PDSS2: variants seen among roughly 807,000 people sequenced by gnomAD.
The protein encoded by PDSS2 is all trans-polyprenyl-diphosphate synthase PDSS2.
PDSS2 carries 31 observed loss-of-function variants against 44.5 expected under a neutral mutation model. The observed-to-expected ratio is 0.70, with a 90% CI of 0.52 to 0.94. PDSS2 has a LOEUF of 0.94. PDSS2 is among the 40% of genes least tolerant of loss of function. The pLI is 0.00. For missense variants in PDSS2, 452 were observed against 482.2 expected (o/e 0.94, Z 0.59); for synonymous variants, 157 against 180.3 (o/e 0.87, Z 1.03).
At chr6:107,214,087 T>G (rs551209164) in intron 4 of PDSS2, among the ~76,000 whole-genome samples, 2 of 151,136 alleles carry the variant, frequency 1.3e-5, no homozygotes, top group Non-Finnish European at 2.9e-5. Context: ...AATATGAAAA[T>G]TATTAGTGAG....
intron 1 of PDSS2, among the ~76,000 whole-genome samples, chr6:107,384,695 A>G (rs1185526245): frequency 6.6e-6 from 1 of 151,988 alleles, no homozygotes; most frequent in Non-Finnish European, 1.5e-5. Flanking sequence ...CTGTATACTT[A>G]AAGAGGGTGA....
chr6:107,447,100 G>A (rs1781709034), intron 1 of PDSS2, among the ~76,000 whole-genome samples: 1 of 152,154 alleles, frequency 6.6e-6, no homozygotes, highest in Admixed American at 6.5e-5. Context: ...TTGGGAGGCT[G>A]AGACAGGCGG....
At chr6:107,270,793 G>A (rs552471735) in intron 3 of PDSS2, among the ~76,000 whole-genome samples, 1 of 152,122 alleles carries the variant, frequency 6.6e-6, no homozygotes, top group East Asian at 1.9e-4. Context: ...ATGTTTAATA[G>A]AATATACTTC....
intron 3 of PDSS2, among the ~76,000 whole-genome samples, chr6:107,250,948 C>T (rs1306054219): frequency 3.3e-5 from 5 of 152,098 alleles, no homozygotes; most frequent in African/African-American, 7.2e-5. Context: ...TTCCATCTCC[C>T]GGGTTCAAGT....
At position 107,437,532 on chromosome 6, in the gene PDSS2, A is replaced by G. The variant is rs1583084581; in HGVS notation, c.296+21458T>C. Among the ~76,000 whole-genome samples, 17 of 22,220 alleles carry G rather than the reference A, an allele frequency of 7.7e-4. No homozygotes were observed. In the South Asian group the frequency reaches 0.011, roughly 14 times the overall value. The allele number at this position is 22,220 out of a possible 152,430, so 14.6% of individuals were successfully genotyped here. A position where few individuals can be genotyped will look rare whatever the true frequency, so the allele number is the denominator to read the frequency against. On this transcript the variant is annotated intron_variant, in intron 1 of 7. Transcript: ENST00000369037. ...AGAGTGAGACCCTGTCTCCAAAAAA[A>G]AAAAAAAAAAAAAAAAAAATTTACA...
chr6:107,239,276 CA>C (rs897848317), intron 4 of PDSS2, among the ~76,000 whole-genome samples: 1 of 151,286 alleles, frequency 6.6e-6, no homozygotes, highest in African/African-American at 2.4e-5. Context: ...GACTCCGTCT[CA>C]AAAAAAACCA....
intron 3 of PDSS2, among the ~76,000 whole-genome samples, chr6:107,253,218 T>C (rs1186781266): frequency 6.6e-6 from 1 of 152,002 alleles, no homozygotes; most frequent in African/African-American, 2.4e-5. Context: ...GTATTTTTTT[T>C]AGTAGAGACG....
chr6:107,291,454 C>T (rs927266687), intron 2 of PDSS2, among the ~76,000 whole-genome samples: 3 of 150,520 alleles, frequency 2.0e-5, no homozygotes, highest in Non-Finnish European at 4.4e-5. Context: ...CTCAAGGAAG[C>T]CTTCCACTTC....
At chr6:107,309,822 C>T (rs984479374) in intron 2 of PDSS2, among the ~76,000 whole-genome samples, 1 of 152,156 alleles carries the variant, frequency 6.6e-6, no homozygotes, top group Non-Finnish European at 1.5e-5. Flanking sequence ...TTATGAATTA[C>T]AAACATTTCT....
At chr6:107,216,053 C>T (rs1053542337) in intron 4 of PDSS2, among the ~76,000 whole-genome samples, 12 of 151,882 alleles carry the variant, frequency 7.9e-5, no homozygotes, top group South Asian at 2.1e-4. Context: ...AGGAGAATGA[C>T]GTGAGCTTGG....
chr6:107,224,795 A>G (rs373973062), intron 4 of PDSS2, among the ~76,000 whole-genome samples: 1 of 151,156 alleles, frequency 6.6e-6, no homozygotes. Context: ...AGGATGGTGT[A>G]TTAGTTATCT....
chr6:107,384,658 A>C (rs1015031547), intron 1 of PDSS2, among the ~76,000 whole-genome samples: 11 of 148,026 alleles, frequency 7.4e-5, no homozygotes, highest in East Asian at 4.0e-4. Context: ...AAAAAAAAAC[A>C]CAAAAAAACA....
At chr6:107,395,741 T>C (rs1779920158) in intron 1 of PDSS2, among the ~76,000 whole-genome samples, 1 of 152,222 alleles carries the variant, frequency 6.6e-6, no homozygotes, top group African/African-American at 2.4e-5. Context: ...TTCAGGTCTG[T>C]TTCTATTAAT....
At chr6:107,454,232 G>A (rs943306953) in intron 1 of PDSS2, among the ~76,000 whole-genome samples, 25 of 151,936 alleles carry the variant, frequency 1.6e-4, no homozygotes, top group African/African-American at 6.0e-4. Flanking sequence ...ATTTTTTGTA[G>A]AGATGGGGTT....
chr6:107,260,911 C>T (rs1253938372), intron 3 of PDSS2, among the ~76,000 whole-genome samples: 1 of 152,142 alleles, frequency 6.6e-6, no homozygotes, highest in Non-Finnish European at 1.5e-5. Context: ...ATCTGCCCAC[C>T]TCAGACACCC....
intron 1 of PDSS2, among the ~76,000 whole-genome samples, chr6:107,388,352 TTAGAAA>T (rs1312637394): frequency 6.6e-6 from 1 of 152,184 alleles, no homozygotes; most frequent in African/African-American, 2.4e-5. Context: ...TCTTATAAAA[TTAGAAA>T]TAGACTCAAA....
chr6:107,438,645 C>A (rs541089188), intron 1 of PDSS2, among the ~76,000 whole-genome samples: 1 of 152,276 alleles, frequency 6.6e-6, no homozygotes, highest in East Asian at 1.9e-4. Flanking sequence ...GAAGGGGAGG[C>A]CAAATCCCTT....
chr6:107,429,901 A>AAAAAATATATATATATATAT (rs1166637352), intron 1 of PDSS2, among the ~76,000 whole-genome samples: 1 of 31,840 alleles, frequency 3.1e-5, no homozygotes, highest in Non-Finnish European at 5.3e-5. Context: ...AAAAAAAAAA[A>AAAAAATATATATATATATAT]ATATATATAT....
intron 7 of PDSS2, among the ~76,000 whole-genome samples, chr6:107,163,581 T>C (rs1554247084): frequency 1.3e-5 from 2 of 152,076 alleles, no homozygotes; most frequent in African/African-American, 4.8e-5. Context: ...AGGTCTATCT[T>C]GAAAAGAATG....
Sources: gnomAD v4.1 joint callset for allele counts (sites outside exome capture counted in the v4.1 genomes callset) on GRCh38, gnomAD v4.1.1 for gene constraint, MANE v1.5 for transcripts, NCBI Gene and HGNC (gene_info 2026-07-23, HGNC 2026-07-21) for gene names.